The following UGT2B7 variants were observed in gnomAD, a reference collection of about 807,000 sequenced individuals.
The protein encoded by UGT2B7 is UDP-glucuronosyltransferase 2B7.
UGT2B7 carries 51 observed loss-of-function variants against 51.9 expected under a neutral mutation model. That is an observed-to-expected ratio of 0.98 (90% confidence interval 0.78 to 1.24). The LOEUF is 1.24. UGT2B7 is among the 50% of genes most tolerant of loss of function. The probability of loss-of-function intolerance (pLI) is 0.00; values close to 1 mark genes in which losing one functional copy is unlikely to be tolerated. For missense variants in UGT2B7, 727 were observed against 628.4 expected (o/e 1.16, Z -1.68); for synonymous variants, 225 against 211.6 (o/e 1.06, Z -0.55).
intron 1 of UGT2B7, among the ~76,000 whole-genome samples, chr4:69,064,062 A>AAGAG (rs1166462327): frequency 9.1e-6 from 1 of 110,144 alleles, no homozygotes; most frequent in African/African-American, 4.9e-5. Flanking sequence ...GAAAGAAAGA[A>AAGAG]AGAAAGAAAG....
chr4:69,097,029 A>G lies in UGT2B7; in HGVS notation c.509A>G (p.Tyr170Cys). The G allele has an allele frequency of 3.7e-6, 6 of 1,613,816 alleles. No individual in the cohort carries two copies. Among genetic ancestry groups the G allele is most frequent in the Non-Finnish European group, 4.2e-6 (5 of 1,179,794 alleles). Residue 170 changes from tyrosine (Y) to cysteine (C), a missense_variant, in exon 1 of 6, where the codon TAC becomes TGC. Transcript: ENST00000305231. ...GAGCTATTTAACATACCCTTTGTGT[A>G]CAGTCTCAGCTTCTCTCCTGGCTAC... ...LAELFNIPFV[Y>C]SLSFSPGYTF...
chr4:69,100,301 TCC>T (rs1434803941), intron 2 of UGT2B7, among the ~76,000 whole-genome samples: 1 of 148,958 alleles, frequency 6.7e-6, no homozygotes, highest in East Asian at 2.0e-4. Flanking sequence ...TAGTTTAGAT[TCC>T]AGGGAATTCT....
intron 3 of UGT2B7, among the ~76,000 whole-genome samples, chr4:69,105,464 G>A (rs1476049271): frequency 2.0e-5 from 3 of 152,086 alleles, no homozygotes; most frequent in African/African-American, 4.8e-5. Flanking sequence ...GGATTGCTTG[G>A]GAGTTTCAAA....
chr4:69,079,896 A>G lies in UGT2B7; in HGVS notation c.-158-9576A>G, dbSNP rs1718798394. Among the ~76,000 whole-genome samples the G allele has an allele frequency of 2.0e-5, 3 of 152,150 alleles. No homozygotes were observed. In the South Asian group the frequency reaches 6.2e-4, roughly 32 times the overall value. Reference sequence around the variant, plus strand: ...ACAGAAGTGATACAGCTATACTGTAATCCTAGCATTCCTGAGTTTTGTATA... The same window carrying G: ...ACAGAAGTGATACAGCTATACTGTAGTCCTAGCATTCCTGAGTTTTGTATA... On this transcript the variant is annotated intron_variant, in intron 1 of 5. Transcript: ENST00000502942.
chr4:69,059,819 G>A (rs975178997), intron 1 of UGT2B7, among the ~76,000 whole-genome samples: 3 of 152,210 alleles, frequency 2.0e-5, no homozygotes, highest in Non-Finnish European at 2.9e-5. Context: ...ATTTGTGTGT[G>A]GAAAACTAGG....
chr4:69,070,258 T>G (rs1285530159), intron 1 of UGT2B7, among the ~76,000 whole-genome samples: 1 of 147,522 alleles, frequency 6.8e-6, no homozygotes, highest in East Asian at 1.9e-4. Context: ...TTATATATTT[T>G]ATATATTATA....
chr4:69,089,282 A>G (rs931205105), intron 1 of UGT2B7, among the ~76,000 whole-genome samples: 3 of 152,184 alleles, frequency 2.0e-5, no homozygotes, highest in African/African-American at 7.2e-5. Flanking sequence ...CTAGTACATA[A>G]TTACTATGTA....
intron 1 of UGT2B7, chr4:69,066,613 T>G (rs1718488487): frequency 6.6e-6 from 1 of 152,164 alleles, no homozygotes; most frequent in Non-Finnish European, 1.5e-5. Context: ...AAATAAAATC[T>G]AACTTCTTTA....
chr4:69,075,662 AGGCT>A (rs1285052267), intron 1 of UGT2B7, among the ~76,000 whole-genome samples: 342 of 152,296 alleles, frequency 2.2e-3, no homozygotes, highest in Middle Eastern at 0.01. Flanking sequence ...CACCTGACTG[AGGCT>A]ACCCAACACT....
intron 1 of UGT2B7, among the ~76,000 whole-genome samples, chr4:69,059,068 T>C (rs1251434561): frequency 1.3e-5 from 2 of 152,210 alleles, no homozygotes; most frequent in African/African-American, 4.8e-5. Flanking sequence ...AACCAGGCAC[T>C]GATCTGATCA....
chr4:69,061,219 T>C (rs1452945098), intron 1 of UGT2B7, among the ~76,000 whole-genome samples: 1 of 152,138 alleles, frequency 6.6e-6, no homozygotes, highest in East Asian at 1.9e-4. Flanking sequence ...TAAATATGCT[T>C]TTGCCACTTT....
intron 1 of UGT2B7, among the ~76,000 whole-genome samples, chr4:69,098,278 T>C (rs1219699253): frequency 1.3e-5 from 2 of 152,042 alleles, no homozygotes; most frequent in East Asian, 1.9e-4. Context: ...TAATTGTTTA[T>C]GATTATGAGC....
intron 1 of UGT2B7, among the ~76,000 whole-genome samples, chr4:69,067,916 A>C (rs927886429): frequency 2.0e-5 from 3 of 152,092 alleles, no homozygotes; most frequent in African/African-American, 7.2e-5. Flanking sequence ...TTGAGGCCAA[A>C]GTTGAAGCAG....
chr4:69,110,276 A>T (rs976169324), intron 5 of UGT2B7, among the ~76,000 whole-genome samples: 2 of 152,092 alleles, frequency 1.3e-5, no homozygotes, highest in Non-Finnish European at 2.9e-5. Context: ...TACATATAAT[A>T]AGGTTCAATA....
At chr4:69,109,476 A>T (rs1719712328) in intron 5 of UGT2B7, among the ~76,000 whole-genome samples, 1 of 152,062 alleles carries the variant, frequency 6.6e-6, no homozygotes, top group South Asian at 2.1e-4. Flanking sequence ...TTGCATTTTC[A>T]TTACGGCTAA....
chr4:69,087,503 T>G (rs1718988376), intron 1 of UGT2B7, among the ~76,000 whole-genome samples: 1 of 152,040 alleles, frequency 6.6e-6, no homozygotes, highest in Non-Finnish European at 1.5e-5. Context: ...ATTCTGAGTT[T>G]GTCTTTATAA....
intron 1 of UGT2B7, among the ~76,000 whole-genome samples, chr4:69,067,166 TTAA>T (rs1318807971): frequency 6.6e-6 from 1 of 152,184 alleles, no homozygotes; most frequent in Non-Finnish European, 1.5e-5. Context: ...CAATATTGTA[TTAA>T]TTCTTCAAGT....
chr4:69,056,724 C>T (rs1718212092), intron 1 of UGT2B7, among the ~76,000 whole-genome samples: 2 of 152,138 alleles, frequency 1.3e-5, no homozygotes, highest in South Asian at 4.1e-4. Flanking sequence ...TCATCGCTAC[C>T]TTAGTTCACC....
At chr4:69,054,127 C>A (rs532816053) in intron 1 of UGT2B7, among the ~76,000 whole-genome samples, 1 of 151,600 alleles carries the variant, frequency 6.6e-6, no homozygotes, top group African/African-American at 2.4e-5. Context: ...CAACCAACAG[C>A]AAAGAGCTTT....
Sources: allele counts gnomAD v4.1 joint callset (sites outside exome capture counted in the v4.1 genomes callset), GRCh38; gene constraint gnomAD v4.1.1; transcripts MANE v1.5; gene names NCBI Gene and HGNC (gene_info 2026-07-23, HGNC 2026-07-21).